The following LARP1B variants were observed in gnomAD, a reference collection of about 807,000 sequenced individuals.
LARP1B encodes La ribonucleoprotein 1B.
Under a neutral mutation model 114.2 loss-of-function variants are expected in LARP1B, and 76 were observed. That is an observed-to-expected ratio of 0.67 (90% CI 0.55 to 0.81). The LOEUF (loss-of-function observed/expected upper bound fraction) is 0.81. Among genes scored for constraint, LARP1B ranks in the 30% least tolerant of loss-of-function variants. The pLI, the probability that LARP1B is intolerant of heterozygous loss-of-function variation, is 0.00. For synonymous variants in LARP1B, 345 were observed against 348.0 expected (o/e 0.99, Z 0.10); for missense variants, 1,014 against 1,075.8 (o/e 0.94, Z 0.80).
At chr4:128,109,348 T>G (rs1324521523) in intron 9 of LARP1B, among the ~76,000 whole-genome samples, 1 of 152,164 alleles carries the variant, frequency 6.6e-6, no homozygotes, top group Non-Finnish European at 1.5e-5. Flanking sequence ...CATAACTCTT[T>G]ATGATTTCTG....
intron 1 of LARP1B, among the ~76,000 whole-genome samples, chr4:128,064,338 C>T (rs1761607688): frequency 6.8e-6 from 1 of 147,970 alleles, no homozygotes; most frequent in South Asian, 2.1e-4. Context: ...AACATTTCTT[C>T]AGAGGAACTC....
intron 1 of LARP1B, among the ~76,000 whole-genome samples, chr4:128,070,299 G>T (rs1764721678): frequency 6.6e-6 from 1 of 151,116 alleles, no homozygotes; most frequent in African/African-American, 2.4e-5. Flanking sequence ...CAGCCTGGGT[G>T]ACAGAGTGAG....
chr4:128,126,474 G>C (rs1050350094), intron 11 of LARP1B, among the ~76,000 whole-genome samples: 1 of 152,088 alleles, frequency 6.6e-6, no homozygotes, highest in African/African-American at 2.4e-5. Context: ...GCAGTAGCTA[G>C]GCTTACTGTG....
intron 1 of LARP1B, among the ~76,000 whole-genome samples, chr4:128,064,924 T>C (rs115875861): frequency 0.027 from 4,053 of 151,890 alleles, 167 homozygotes; most frequent in African/African-American, 0.093. Flanking sequence ...ATAATATTAA[T>C]AATAATAATA....
At chr4:128,120,485 G>A (rs1268525520) in intron 10 of LARP1B, among the ~76,000 whole-genome samples, 1 of 144,304 alleles carries the variant, frequency 6.9e-6, no homozygotes, top group East Asian at 2.0e-4. Flanking sequence ...GTCTCGCTCT[G>A]TCACCCAGGC....
At chr4:128,201,670 T>G (rs1390535488) in intron 17 of LARP1B, among the ~76,000 whole-genome samples, 1 of 152,230 alleles carries the variant, frequency 6.6e-6, no homozygotes, top group Non-Finnish European at 1.5e-5. Flanking sequence ...CTATTCTTTT[T>G]GTCCCAGCTT....
At chr4:128,076,488 A>G (rs527598712) in intron 3 of LARP1B, among the ~76,000 whole-genome samples, 1 of 152,242 alleles carries the variant, frequency 6.6e-6, no homozygotes, top group East Asian at 1.9e-4. Context: ...TGGATGTAAC[A>G]CAGTTTGTCC....
At chr4:128,126,589 A>G (rs767338648) in intron 11 of LARP1B, among the ~76,000 whole-genome samples, 6 of 152,240 alleles carry the variant, frequency 3.9e-5, no homozygotes, top group Non-Finnish European at 8.8e-5. Context: ...AAATCAATTG[A>G]AGGGATTAGC....
At chr4:128,066,252 C>T (rs568618201) in intron 1 of LARP1B, among the ~76,000 whole-genome samples, 1 of 147,646 alleles carries the variant, frequency 6.8e-6, no homozygotes, top group Non-Finnish European at 1.5e-5. Flanking sequence ...TCTCTGCTCA[C>T]TGCAAGCTCC....
chr4:128,160,351 T>C (rs1737860042), intron 11 of LARP1B, among the ~76,000 whole-genome samples: 1 of 152,162 alleles, frequency 6.6e-6, no homozygotes, highest in African/African-American at 2.4e-5. Context: ...GCAAAACACC[T>C]ACTGTATTGA....
At chr4:128,110,547 G>C in intron 9 of LARP1B, among the ~76,000 whole-genome samples, 1 of 148,738 alleles carries the variant, frequency 6.7e-6, no homozygotes. Flanking sequence ...CGTAGTGGCG[G>C]GCGCCTGTAG....
intron 1 of LARP1B, among the ~76,000 whole-genome samples, chr4:128,067,109 C>T (rs1763284969): frequency 6.6e-6 from 1 of 152,126 alleles, no homozygotes; most frequent in South Asian, 2.1e-4. Flanking sequence ...TGGTTGACCT[C>T]AGGCTATTTT....
At chr4:128,063,427 CAAAAAAAAAAAAAA>C (rs763868048) in intron 1 of LARP1B, among the ~76,000 whole-genome samples, 5 of 13,212 alleles carry the variant, frequency 3.8e-4, no homozygotes, top group Non-Finnish European at 6.6e-4. Context: ...GACCCACTCT[CAAAAAAAAAAAAAA>C]AAAAAAAAAA....
At chr4:128,068,629 T>C (rs1763996060) in intron 1 of LARP1B, among the ~76,000 whole-genome samples, 1 of 152,014 alleles carries the variant, frequency 6.6e-6, no homozygotes, top group Admixed American at 6.6e-5. Context: ...AGGCCCAGTC[T>C]TGAATTCTTG....
At chr4:128,175,915 T>G (rs564424754) in intron 12 of LARP1B, among the ~76,000 whole-genome samples, 17 of 151,810 alleles carry the variant, frequency 1.1e-4, no homozygotes, top group African/African-American at 4.1e-4. Context: ...TGAGGAGAAC[T>G]AATTAGTGGG....
chr4:128,179,310 A>G (rs1414119282), intron 14 of LARP1B, 96 bp from the exon 15 acceptor site: 1 of 690,434 alleles, frequency 1.4e-6, no homozygotes, highest in Non-Finnish European at 2.3e-6. Flanking sequence ...TACAGTATGA[A>G]AATGTTTGAG....
intron 11 of LARP1B, chr4:128,123,696 C>T: frequency 1.1e-6 from 1 of 941,592 alleles, no homozygotes; most frequent in Non-Finnish European, 1.3e-6. Flanking sequence ...ATGGAGTAAA[C>T]ATTATGCATT....
intron 11 of LARP1B, among the ~76,000 whole-genome samples, chr4:128,147,834 A>G (rs1042548562): frequency 6.6e-6 from 1 of 152,238 alleles, no homozygotes; most frequent in East Asian, 1.9e-4. Flanking sequence ...TCACTCCTTC[A>G]CTGATAGAAT....
chr4:128,075,808 A>G (rs1349676910), intron 3 of LARP1B, among the ~76,000 whole-genome samples: 1 of 152,028 alleles, frequency 6.6e-6, no homozygotes, highest in African/African-American at 2.4e-5. Context: ...CAGCCTCCCA[A>G]AGTGCTGGGA....
Sources: allele counts gnomAD v4.1 joint callset (sites outside exome capture counted in the v4.1 genomes callset), GRCh38; gene constraint gnomAD v4.1.1; transcripts MANE v1.5; gene names NCBI Gene and HGNC (gene_info 2026-07-23, HGNC 2026-07-21).